Variants in LRRC56 observed in about 807,000 individuals in gnomAD.
LRRC56 encodes the protein leucine rich repeat containing 56.
In LRRC56, 41 loss-of-function variants were observed where a neutral mutation model predicts 47.8. The ratio of observed to expected loss-of-function variants is 0.86; its 90% CI spans 0.67 to 1.11. LRRC56 has a LOEUF of 1.11. LRRC56 is among the 50% of genes most tolerant of loss of function. The pLI is 0.00. For missense variants in LRRC56, 759 were observed against 704.2 expected, an observed-to-expected ratio of 1.08 and a Z score of -0.88; for synonymous variants, 387 against 311.2, an observed-to-expected ratio of 1.24 and a Z score of -2.56.
the LRRC56 span, among the ~76,000 whole-genome samples, chr11:509,855 T>A: frequency 4.8e-4 from 73 of 151,938 alleles, no homozygotes; most frequent in Middle Eastern, 6.8e-3. Context: ...ATTTTTGAAC[T>A]TACCTGCCTC....
the LRRC56 span, among the ~76,000 whole-genome samples, chr11:531,138 CAGAAGGGGGAGTGTGGCGTCCCCTGGA>C: frequency 3.2e-5 from 2 of 61,862 alleles, no homozygotes; most frequent in Non-Finnish European, 6.4e-5. Context: ...GTCCCCTGGA[CAGAAGGGGGAGTGTGGCGTCCCCTGGA>C]GAGAAGGGCG....
upstream of LRRC56, chr11:533,146 G>C: frequency 1.2e-6 from 1 of 833,710 alleles, no homozygotes; most frequent in Non-Finnish European, 1.8e-6. Flanking sequence ...TCACCGCTCC[G>C]GCCTGGCTCA....
intron 6 of LRRC56, among the ~76,000 whole-genome samples, chr11:545,056 G>A (rs1219312303): frequency 6.6e-6 from 1 of 152,104 alleles, no homozygotes; most frequent in South Asian, 2.1e-4. Context: ...GGGCCAGCCT[G>A]ACTCCCGGGG....
At chr11:534,055 G>A (rs1158540813), upstream of LRRC56, 2 of 1,314,444 alleles carry the variant, frequency 1.5e-6, no homozygotes, top group East Asian at 4.6e-5. Flanking sequence ...TCCTCTCCTG[G>A]GGTGCTGAGA....
chr11:535,325 C>A (rs1174253977), upstream of LRRC56: 1 of 146,268 alleles, frequency 6.8e-6, no homozygotes, highest in South Asian at 1.8e-4. Flanking sequence ...TTACGCCCGC[C>A]GGCCCCGCGC....
chr11:553,881 C>A, intron 13 of LRRC56, 82 bp from the exon 14 acceptor site: 1 of 1,310,932 alleles, frequency 7.6e-7, no homozygotes, highest in Non-Finnish European at 1.1e-6. Flanking sequence ...TGCAGGGCCA[C>A]GGGTGGGCTG....
the LRRC56 span, among the ~76,000 whole-genome samples, chr11:515,167 C>T: frequency 1.3e-5 from 2 of 152,146 alleles, no homozygotes; most frequent in African/African-American, 4.8e-5. Flanking sequence ...AGGGTCAGGT[C>T]TGTCGGCTGA....
At chr11:516,562 C>T in the LRRC56 span, among the ~76,000 whole-genome samples, 7 of 152,208 alleles carry the variant, frequency 4.6e-5, no homozygotes, top group African/African-American at 9.6e-5. Context: ...CACACCATGA[C>T]GCAGTGAAAT....
Position 551,941 on chromosome 11 carries a change from C to T in LRRC56, c.1012C>T (p.Leu338=). Reference sequence around the variant, plus strand: ...CCTCTGTGGGAACCCCACCAAGGGCCTGCGGGAGCGTAGGCACCAGTGCCA... The same window carrying T: ...CCTCTGTGGGAACCCCACCAAGGGCTTGCGGGAGCGTAGGCACCAGTGCCA... ...QVLCGNPTKG[L]RERRHQCQAR... The change falls in exon 11 of 14, where the codon CTG becomes TTG. Residue 338 remains leucine (L), a synonymous_variant. Coordinates refer to ENST00000270115, the MANE Select transcript of LRRC56 (RefSeq NM_198075.4). The T allele has an allele frequency of 2.5e-6, 4 of 1,612,724 alleles. No homozygotes were observed. The highest frequency in any genetic ancestry group is 3.4e-6 in the Non-Finnish European group (4 of 1,179,908).
upstream of LRRC56, chr11:534,244 G>A (rs2133994418): frequency 1.2e-6 from 2 of 1,613,612 alleles, no homozygotes; most frequent in Non-Finnish European, 1.7e-6. Flanking sequence ...TCCACAAAAT[G>A]GTTCTGGATC....
the LRRC56 span, among the ~76,000 whole-genome samples, chr11:530,606 G>C: frequency 1.8e-3 from 78 of 44,210 alleles, no homozygotes; most frequent in African/African-American, 3.9e-3. Flanking sequence ...GTCCCCTGGA[G>C]AGAAGGGGGA....
upstream of LRRC56, chr11:534,675 G>A (rs1011223035): frequency 1.3e-5 from 5 of 391,750 alleles, no homozygotes; most frequent in South Asian, 2.8e-5. Context: ...TGGGTCGGCA[G>A]AAAGGCTAAA....
At chr11:518,937 A>AC in the LRRC56 span, among the ~76,000 whole-genome samples, 1 of 151,624 alleles carries the variant, frequency 6.6e-6, no homozygotes, top group Non-Finnish European at 1.5e-5. Flanking sequence ...TGACCTGGAA[A>AC]CCCCGCCCCC....
chr11:552,930 G>T (rs1472171661), intron 13 of LRRC56, among the ~76,000 whole-genome samples: 1 of 152,212 alleles, frequency 6.6e-6, no homozygotes. Flanking sequence ...CTGTGACCTT[G>T]TGTGCCACCC....
Position 541,657 on chromosome 11 carries a change from C to A in LRRC56, c.265+33C>A. On this transcript the variant is annotated intron_variant, in intron 5 of 13. Coordinates refer to ENST00000270115, the MANE Select transcript of LRRC56 (RefSeq NM_198075.4). The surrounding 1 kb of genome is among the most constrained non-coding windows in gnomAD (Gnocchi z 4.1). Reference sequence around the variant, plus strand: ...TCTTCCCACCCCGCCATGGCCACGGCCACGGCCACGCCTCCCTGTAAACAA... The same window carrying A: ...TCTTCCCACCCCGCCATGGCCACGGACACGGCCACGCCTCCCTGTAAACAA... 7.4e-7 allele frequency: 1 copy of A among 1,343,498 alleles called. No individual in the cohort carries two copies. Among genetic ancestry groups the A allele is most frequent in the Non-Finnish European group, 1.0e-6 (1 of 969,872 alleles). 83.2% of individuals were successfully genotyped at this position (1,343,498 alleles called of 1,614,324 possible).
intron 5 of LRRC56, among the ~76,000 whole-genome samples, chr11:544,445 G>A (rs190685555): frequency 2.4e-3 from 365 of 152,332 alleles, no homozygotes; most frequent in South Asian, 7.5e-3. Context: ...GACGAGGGGC[G>A]CGGAGCCGTG....
At chr11:520,627 A>G in the LRRC56 span, among the ~76,000 whole-genome samples, 1 of 151,962 alleles carries the variant, frequency 6.6e-6, no homozygotes, top group African/African-American at 2.4e-5. Context: ...CCTAGTATTG[A>G]ATATTTCAAA....
chr11:518,803 C>T, the LRRC56 span, among the ~76,000 whole-genome samples: 1 of 152,056 alleles, frequency 6.6e-6, no homozygotes, highest in Admixed American at 6.5e-5. Flanking sequence ...GCGCCCCCTC[C>T]TGGATGTGGC....
chr11:534,326 TCCTCAGGGGCCTGCGGCCCGG>T, upstream of LRRC56: 1 of 1,610,256 alleles, frequency 6.2e-7, no homozygotes, highest in Non-Finnish European at 8.5e-7. Context: ...CCGTCATCGC[TCCTCAGGGGCCTGCGGCCCGG>T]GGTCCTCCTA....
Sources: gnomAD v4.1 joint callset for allele counts (sites outside exome capture counted in the v4.1 genomes callset) on GRCh38, gnomAD v4.1.1 for gene constraint, Gnocchi (gnomAD v3.1) non-coding constraint, MANE v1.5 for transcripts, NCBI Gene and HGNC (gene_info 2026-07-23, HGNC 2026-07-21) for gene names.